Variants in SLCO3A1 observed in about 807,000 individuals in gnomAD.
The protein encoded by SLCO3A1 is solute carrier organic anion transporter family member 3A1, also known as PGE1 transporter.
Under a neutral mutation model 63.1 loss-of-function variants are expected in SLCO3A1, and 27 were observed. That is an observed-to-expected ratio of 0.43 (90% confidence interval 0.32 to 0.59). The LOEUF is 0.59. SLCO3A1 is among the 20% of genes least tolerant of loss of function. The pLI is 0.09. For missense variants in SLCO3A1, 773 were observed against 945.8 expected (o/e 0.82, Z 2.40); for synonymous variants, 473 against 409.9 (o/e 1.15, Z -1.86).
At chr15:91,858,981 C>T (rs1433125889) in intron 1 of SLCO3A1, among the ~76,000 whole-genome samples, 4 of 152,234 alleles carry the variant, frequency 2.6e-5, no homozygotes, top group African/African-American at 9.7e-5. Flanking sequence ...AGTTCCAACT[C>T]GCGCAGATTT....
At chr15:91,991,241 C>T (rs929696248) in intron 2 of SLCO3A1, among the ~76,000 whole-genome samples, 11 of 152,014 alleles carry the variant, frequency 7.2e-5, no homozygotes, top group South Asian at 6.2e-4. Flanking sequence ...GTGGTGTGCA[C>T]CTATGGTCCT....
At chr15:92,018,728 G>A (rs2046469391) in intron 2 of SLCO3A1, among the ~76,000 whole-genome samples, 1 of 152,200 alleles carries the variant, frequency 6.6e-6, no homozygotes, top group Non-Finnish European at 1.5e-5. Context: ...CTGAGTGGGT[G>A]AGCATGGCAT....
intron 2 of SLCO3A1, among the ~76,000 whole-genome samples, chr15:92,074,237 TTCCTTATAATTTTTTTTAAAGG>T (rs2047249862): frequency 6.6e-6 from 1 of 152,176 alleles, no homozygotes; most frequent in South Asian, 2.1e-4. Flanking sequence ...AACAGTCATT[TTCCTTATAATTTTTTTTAAAGG>T]CCCAGTTGCT....
intron 3 of SLCO3A1, among the ~76,000 whole-genome samples, chr15:92,100,016 A>T (rs1014284646): frequency 5.3e-5 from 8 of 151,744 alleles, no homozygotes; most frequent in Admixed American, 2.6e-4. Context: ...CAGTGAGCTG[A>T]GATCTCACCA....
chr15:92,116,086 T>C (rs2047791502), intron 4 of SLCO3A1, among the ~76,000 whole-genome samples: 1 of 152,126 alleles, frequency 6.6e-6, no homozygotes, highest in Non-Finnish European at 1.5e-5. Flanking sequence ...GCTGTGCTGC[T>C]CTAACCATGG....
chr15:92,147,038 G>C lies in SLCO3A1; in HGVS notation c.1567G>C (p.Val523Leu). The stretch of plus-strand genomic sequence containing the variant: ...CGTCCCTGCTGAGAACGCAACCGTG[G>C]TTCCTGGAAAATGCCCCAGTCCTGG... ...TTVPAENATV[V>L]PGKCPSPGCQ... is the part of the protein sequence containing the mutation. The change falls in exon 8 of 10, where the codon GTT (valine) becomes CTT (leucine). Residue 523 changes from valine to leucine, a missense_variant. Physicochemically the swap from Val to Leu is conservative, Grantham distance 32 (BLOSUM62 1). Transcript: ENST00000318445. 4 of 1,614,208 alleles carry C rather than the reference G, an allele frequency of 2.5e-6. No individual in the cohort carries two copies. The highest frequency in any genetic ancestry group is 1.3e-5 in the African/African-American group (1 of 75,078).
chr15:91,858,865 C>T (rs74962373), intron 1 of SLCO3A1, among the ~76,000 whole-genome samples: 4,053 of 152,276 alleles, frequency 0.027, 133 homozygotes, highest in Admixed American at 0.078. Context: ...AGCAGATTGG[C>T]CTGGATGAAC....
chr15:92,004,370 A>G (rs2046289797), intron 2 of SLCO3A1, among the ~76,000 whole-genome samples: 1 of 152,244 alleles, frequency 6.6e-6, no homozygotes, highest in Admixed American at 6.5e-5. Context: ...GAGATAATGT[A>G]TGCAGGGCAT....
At chr15:91,902,942 C>T (rs1242039273) in intron 1 of SLCO3A1, among the ~76,000 whole-genome samples, 2 of 152,320 alleles carry the variant, frequency 1.3e-5, no homozygotes, top group Admixed American at 6.5e-5. Flanking sequence ...ATAGTACTTA[C>T]GTAACAAGGT....
At chr15:91,966,197 C>A (rs1900655258) in intron 2 of SLCO3A1, among the ~76,000 whole-genome samples, 1 of 151,942 alleles carries the variant, frequency 6.6e-6, no homozygotes, top group Admixed American at 6.5e-5. Context: ...GCAGCCCCAG[C>A]CACACCATAA....
At chr15:91,923,525 C>T (rs569518373) in intron 2 of SLCO3A1, among the ~76,000 whole-genome samples, 2 of 152,332 alleles carry the variant, frequency 1.3e-5, no homozygotes, top group African/African-American at 4.8e-5. Flanking sequence ...TTGGAGGCAG[C>T]CCAGAGTATG....
At position 91,865,207 on chromosome 15, in the gene SLCO3A1, A is replaced by G. The variant is rs1340647595; in HGVS notation, c.180+11119A>G. Among the ~76,000 whole-genome samples, 1 of 152,258 alleles carries G rather than the reference A, an allele frequency of 6.6e-6. No homozygotes were observed. The highest frequency in any genetic ancestry group is 1.9e-4 in the East Asian group (1 of 5,198). On this transcript the variant is annotated intron_variant, in intron 1 of 9. Coordinates refer to ENST00000318445, the MANE Select transcript of SLCO3A1 (RefSeq NM_013272.4). This position sits in a 1 kb window ranked among gnomAD's most constrained non-coding sequence, Gnocchi z 4.6. ...TTGTACTTTATTTGGGAACAGGAAT[A>G]AGTGGGGACTTGACATTTTATTTAA...
intron 2 of SLCO3A1, among the ~76,000 whole-genome samples, chr15:92,073,588 C>T (rs914571452): frequency 1.3e-5 from 2 of 152,242 alleles, no homozygotes; most frequent in African/African-American, 4.8e-5. Context: ...TTCCTGCTTA[C>T]ACCACAAGTG....
intron 9 of SLCO3A1, among the ~76,000 whole-genome samples, chr15:92,158,164 T>C (rs1288969697): frequency 6.6e-6 from 1 of 152,186 alleles, no homozygotes; most frequent in Non-Finnish European, 1.5e-5. Flanking sequence ...CTTCTCTATG[T>C]ATTAGCAACC....
chr15:92,015,915 C>T (rs2387398), intron 2 of SLCO3A1, among the ~76,000 whole-genome samples: 24,911 of 151,952 alleles, frequency 0.16, 2,483 homozygotes, highest in South Asian at 0.36. Context: ...AAGAAAAATA[C>T]GAAATGGAAA....
chr15:92,013,390 G>A (rs891395216), intron 2 of SLCO3A1, among the ~76,000 whole-genome samples: 2 of 152,178 alleles, frequency 1.3e-5, no homozygotes, highest in African/African-American at 2.4e-5. Context: ...CCTATTCTTT[G>A]GGCCAGGTGC....
intron 2 of SLCO3A1, among the ~76,000 whole-genome samples, chr15:92,060,401 A>G (rs967237467): frequency 2.0e-5 from 3 of 152,122 alleles, no homozygotes; most frequent in Non-Finnish European, 4.4e-5. Context: ...CTCTACTAAA[A>G]ATACAAAAAT....
At chr15:91,958,234 A>C (rs1433308836) in intron 2 of SLCO3A1, among the ~76,000 whole-genome samples, 1 of 152,194 alleles carries the variant, frequency 6.6e-6, no homozygotes, top group East Asian at 1.9e-4. Flanking sequence ...ATTAGTAGTT[A>C]AGTTTTTGGG....
Position 91,915,984 on chromosome 15 carries a change from C to A in SLCO3A1, c.181-9C>A. 3 of 1,605,478 alleles carry A rather than the reference C, an allele frequency of 1.9e-6. No homozygotes were observed. The highest frequency in any genetic ancestry group is 1.3e-5 in the African/African-American group (1 of 74,564). ...GATTGGCTCTGACCTTTCTTCTTGCCCCCCTCAGGTGAGCGTCCTGACCAC... is the reference window on the plus strand; with the variant it reads ...GATTGGCTCTGACCTTTCTTCTTGCACCCCTCAGGTGAGCGTCCTGACCAC... On this transcript the variant is annotated splice_polypyrimidine_tract_variant and intron_variant, in intron 1 of 9. Coordinates refer to ENST00000318445, the MANE Select transcript of SLCO3A1 (RefSeq NM_013272.4).
Sources: allele counts gnomAD v4.1 joint callset (sites outside exome capture counted in the v4.1 genomes callset), GRCh38; gene constraint gnomAD v4.1.1; non-coding constraint Gnocchi (gnomAD v3.1); transcripts MANE v1.5; gene names NCBI Gene and HGNC (gene_info 2026-07-23, HGNC 2026-07-21).